The following TENT2 variants were observed in gnomAD, a reference collection of about 807,000 sequenced individuals.
TENT2 encodes terminal nucleotidyltransferase 2.
A neutral mutation model predicts 72.2 loss-of-function variants in TENT2; 44 were observed. The observed-to-expected ratio is 0.61, with a 90% CI of 0.48 to 0.78. The LOEUF (loss-of-function observed/expected upper bound fraction) is 0.78. TENT2 is among the 30% of genes least tolerant of loss of function. TENT2 has a pLI of 0.00. For synonymous variants in TENT2, 212 were observed against 192.5 expected, an observed-to-expected ratio of 1.10 and a Z score of -0.84; for missense variants, 541 against 569.6, an observed-to-expected ratio of 0.95 and a Z score of 0.51.
At chr5:79,647,941 A>G (rs1046903484) in intron 8 of TENT2, among the ~76,000 whole-genome samples, 3 of 152,152 alleles carry the variant, frequency 2.0e-5, no homozygotes, top group African/African-American at 7.2e-5. Context: ...ATGATACTGT[A>G]ATTTACTAGC....
chr5:79,632,590 G>C (rs529217024), intron 4 of TENT2, among the ~76,000 whole-genome samples: 1 of 152,026 alleles, frequency 6.6e-6, no homozygotes, highest in Non-Finnish European at 1.5e-5. Context: ...ATGAGGTTAG[G>C]CTGAGGTTTT....
chr5:79,672,474 A>G (rs1477132613), intron 12 of TENT2, among the ~76,000 whole-genome samples: 1 of 152,148 alleles, frequency 6.6e-6, no homozygotes, highest in Non-Finnish European at 1.5e-5. Flanking sequence ...TGCCCTTCCC[A>G]GCCTCTGGTA....
At chr5:79,658,824 C>T (rs750613488) in intron 11 of TENT2, among the ~76,000 whole-genome samples, 37 of 151,774 alleles carry the variant, frequency 2.4e-4, no homozygotes, top group Non-Finnish European at 7.4e-5. Flanking sequence ...TTCTTACTGA[C>T]GGCCCCATTT....
chr5:79,621,323 CAT>C (rs1300056863), intron 3 of TENT2, among the ~76,000 whole-genome samples: 1 of 152,146 alleles, frequency 6.6e-6, no homozygotes, highest in Admixed American at 6.5e-5. Flanking sequence ...GTCTCTGAGT[CAT>C]ATGCTTAAAA....
intron 11 of TENT2, among the ~76,000 whole-genome samples, chr5:79,667,563 G>C (rs940053850): frequency 6.6e-6 from 1 of 152,048 alleles, no homozygotes; most frequent in Non-Finnish European, 1.5e-5. Flanking sequence ...TACTACAGCT[G>C]TTAGAAATGT....
At chr5:79,679,207 A>G (rs1345671604) in intron 12 of TENT2, among the ~76,000 whole-genome samples, 1 of 152,046 alleles carries the variant, frequency 6.6e-6, no homozygotes, top group African/African-American at 2.4e-5. Flanking sequence ...CCCAGCCTGT[A>G]CTTTCTTATT....
chr5:79,621,891 TTA>T (rs1311111604), intron 3 of TENT2, among the ~76,000 whole-genome samples: 1 of 152,244 alleles, frequency 6.6e-6, no homozygotes, highest in Non-Finnish European at 1.5e-5. Flanking sequence ...TTTAAAAATA[TTA>T]AATATACTTT....
chr5:79,678,987 C>T (rs948143298), intron 12 of TENT2, among the ~76,000 whole-genome samples: 1 of 152,132 alleles, frequency 6.6e-6, no homozygotes. Flanking sequence ...CTCACTGCAA[C>T]CTCCGCCTCC....
intron 10 of TENT2, among the ~76,000 whole-genome samples, chr5:79,652,745 CAT>C (rs1301574175): frequency 1.3e-5 from 2 of 151,946 alleles, no homozygotes; most frequent in African/African-American, 4.8e-5. Flanking sequence ...AAATTTGAAA[CAT>C]ATGACATTGG....
chr5:79,683,691 G>A (rs1419593664), intron 14 of TENT2, among the ~76,000 whole-genome samples: 1 of 151,598 alleles, frequency 6.6e-6, no homozygotes, highest in African/African-American at 2.4e-5. Flanking sequence ...CGAGGCGGGC[G>A]GATCACGAGG....
intron 14 of TENT2, among the ~76,000 whole-genome samples, chr5:79,683,344 C>CCACCT (rs1245617598): frequency 6.6e-6 from 1 of 150,574 alleles, no homozygotes; most frequent in South Asian, 2.1e-4. Flanking sequence ...CACACACACC[C>CCACCT]CACCTCACCT....
At chr5:79,617,226 C>T (rs1760974006) in intron 1 of TENT2, among the ~76,000 whole-genome samples, 2 of 151,176 alleles carry the variant, frequency 1.3e-5, no homozygotes, top group African/African-American at 4.8e-5. Context: ...TCTTGTCATC[C>T]TCCATATAAA....
In TENT2 at chr5:79,617,128, A is replaced by C. The variant is rs138198285; in HGVS notation, c.-37-2484A>C. Among the ~76,000 whole-genome samples, 179 of 151,824 alleles carry C rather than the reference A, an allele frequency of 1.2e-3. 2 individuals are homozygous for C. The East Asian group carries it at 0.032, about 27-fold the overall frequency. ...TACTTTACTCTGTTGTTTAAAAAAA[A>C]AAAGAAAAGAAAAAAGAATAAAGCT... On this transcript the variant is annotated intron_variant, in intron 1 of 14. Coordinates refer to ENST00000453514, the MANE Select transcript of TENT2 (RefSeq NM_001114394.3).
chr5:79,616,009 C>T (rs1759586391), intron 1 of TENT2, among the ~76,000 whole-genome samples: 1 of 152,014 alleles, frequency 6.6e-6, no homozygotes, highest in African/African-American at 2.4e-5. Context: ...CTGCCTCAGC[C>T]TCCCAAGTAG....
At chr5:79,647,929 A>G (rs754023147) in intron 8 of TENT2, among the ~76,000 whole-genome samples, 1 of 152,220 alleles carries the variant, frequency 6.6e-6, no homozygotes, top group African/African-American at 2.4e-5. Flanking sequence ...GCCAAATTTG[A>G]CATGATACTG....
intron 4 of TENT2, among the ~76,000 whole-genome samples, chr5:79,625,736 A>G (rs1769050665): frequency 6.6e-6 from 1 of 151,974 alleles, no homozygotes; most frequent in Non-Finnish European, 1.5e-5. Context: ...TTTTTTAACC[A>G]TATTGAAATA....
At chr5:79,666,676 A>G (rs1050395004) in intron 11 of TENT2, among the ~76,000 whole-genome samples, 2 of 152,002 alleles carry the variant, frequency 1.3e-5, no homozygotes. Flanking sequence ...TTATTTGATA[A>G]TAACCTAAAT....
intron 12 of TENT2, among the ~76,000 whole-genome samples, chr5:79,673,291 T>C (rs1419337192): frequency 6.6e-6 from 1 of 152,210 alleles, no homozygotes; most frequent in Non-Finnish European, 1.5e-5. Context: ...CAGAAGCTTT[T>C]TAACTTGATG....
At chr5:79,658,298 A>T (rs6873104) in intron 11 of TENT2, among the ~76,000 whole-genome samples, 30,868 of 152,066 alleles carry the variant, frequency 0.2, 4,636 homozygotes, top group African/African-American at 0.42. Context: ...TGAAAGAAAG[A>T]ACAGAAATAG....
Sources: gnomAD v4.1 joint callset for allele counts (sites outside exome capture counted in the v4.1 genomes callset) on GRCh38, gnomAD v4.1.1 for gene constraint, MANE v1.5 for transcripts, NCBI Gene and HGNC (gene_info 2026-07-23, HGNC 2026-07-21) for gene names.